The following MMP24 variants were observed in gnomAD, a reference collection of about 807,000 sequenced individuals.
MMP24 encodes matrix metalloproteinase-24.
A neutral mutation model predicts 62.8 loss-of-function variants in MMP24; 25 were observed. The observed-to-expected ratio is 0.40, with a 90% CI of 0.29 to 0.56. The LOEUF is 0.56. Ranked by LOEUF, MMP24 falls within the 20% of genes least tolerant of loss-of-function variation. The pLI is 0.50. For synonymous variants in MMP24, 319 were observed against 350.5 expected (o/e 0.91, Z 1.00); for missense variants, 634 against 853.6 (o/e 0.74, Z 3.21).
chr20:35,264,405 A>C (rs1351003765), intron 5 of MMP24, among the ~76,000 whole-genome samples: 3 of 152,086 alleles, frequency 2.0e-5, no homozygotes, highest in Non-Finnish European at 2.9e-5. Flanking sequence ...AAAAGAAAAA[A>C]CGAGGGCCAG....
At chr20:35,253,503 G>GACTAA (rs942414530) in intron 3 of MMP24, among the ~76,000 whole-genome samples, 1 of 152,066 alleles carries the variant, frequency 6.6e-6, no homozygotes, top group Non-Finnish European at 1.5e-5. Flanking sequence ...ACCCAACTCT[G>GACTAA]AGTAACTTCT....
intron 1 of MMP24, among the ~76,000 whole-genome samples, chr20:35,243,145 C>T (rs1293806333): frequency 6.6e-6 from 1 of 152,118 alleles, no homozygotes; most frequent in Non-Finnish European, 1.5e-5. Context: ...CACCACTGCA[C>T]TCCAGCCTGG....
chr20:35,237,020 A>T (rs899755032), intron 1 of MMP24, among the ~76,000 whole-genome samples: 2 of 149,540 alleles, frequency 1.3e-5, no homozygotes, highest in East Asian at 2.0e-4. Flanking sequence ...TTGGTGGGGG[A>T]GCTGGGAATG....
At chr20:35,260,584 C>A (rs2146226861) in intron 4 of MMP24, among the ~76,000 whole-genome samples, 1 of 152,364 alleles carries the variant, frequency 6.6e-6, no homozygotes, top group East Asian at 1.9e-4. Flanking sequence ...CTGGCTCTAC[C>A]AGTTTGTTTG....
chr20:35,257,850 G>A (rs1046506054), intron 4 of MMP24, among the ~76,000 whole-genome samples: 19 of 152,228 alleles, frequency 1.2e-4, no homozygotes, highest in Non-Finnish European at 2.5e-4. Flanking sequence ...AGCAGGAACT[G>A]TCCAGATGCA....
chr20:35,253,270 CTTTTTTTTT>C (rs34474017), intron 3 of MMP24, among the ~76,000 whole-genome samples: 10 of 79,050 alleles, frequency 1.3e-4, no homozygotes, highest in Middle Eastern at 7.4e-3. Context: ...CAGAACGGGA[CTTTTTTTTT>C]TTTTTTTTTT....
rs2060708622 is a variant in MMP24 at position 35,276,582 on chromosome 20, G to A, written c.*1973G>A. 3.3e-6 allele frequency: 1 copy of A among 303,506 alleles called. No individual in the cohort carries two copies. The allele number at this position is 303,506 out of a possible 1,614,324, so 18.8% of individuals were successfully genotyped here. On this transcript the variant is annotated 3_prime_UTR_variant, in exon 9 of 9. Transcript: ENST00000246186. ...GTGTCTCCTGTATCCACCTCTTCCT[G>A]GCCTCCCTTCCCCCACTTCCTGGTC...
intron 4 of MMP24, among the ~76,000 whole-genome samples, chr20:35,257,427 TGAG>T (rs1256903409): frequency 6.6e-6 from 1 of 152,212 alleles, no homozygotes; most frequent in Admixed American, 6.5e-5. Context: ...AGATAAGATG[TGAG>T]GAGAAGAGAA....
intron 2 of MMP24, among the ~76,000 whole-genome samples, chr20:35,248,246 G>T (rs1431902459): frequency 6.6e-6 from 1 of 151,742 alleles, no homozygotes; most frequent in Non-Finnish European, 1.5e-5. Flanking sequence ...CTGGGTCTCA[G>T]TGTGTTCATT....
intron 8 of MMP24, among the ~76,000 whole-genome samples, chr20:35,273,342 G>A (rs1191508741): frequency 6.6e-6 from 1 of 151,486 alleles, no homozygotes; most frequent in Non-Finnish European, 1.5e-5. Flanking sequence ...GCTGCAGTGA[G>A]TTACAACTGC....
chr20:35,238,037 CAAT>C (rs2060472133), intron 1 of MMP24, among the ~76,000 whole-genome samples: 2 of 152,138 alleles, frequency 1.3e-5, no homozygotes, highest in South Asian at 4.1e-4. Context: ...TACAGTGATA[CAAT>C]AATATCTTAG....
chr20:35,253,626 A>C (rs1335861094), intron 3 of MMP24, among the ~76,000 whole-genome samples: 2 of 152,108 alleles, frequency 1.3e-5, no homozygotes, highest in Non-Finnish European at 2.9e-5. Flanking sequence ...TGTTTTGTGA[A>C]GAACCAATGC....
chr20:35,238,553 TG>T (rs1169638412), intron 1 of MMP24, among the ~76,000 whole-genome samples: 1 of 151,970 alleles, frequency 6.6e-6, no homozygotes, highest in Non-Finnish European at 1.5e-5. Context: ...GAGCACTAGG[TG>T]GGGAAAGATA....
Position 35,274,193 on chromosome 20 carries a change from T to C in MMP24, c.1601-79T>C. On this transcript the variant is annotated intron_variant, in intron 8 of 8. Transcript: ENST00000246186. The surrounding 1 kb of genome is among the most constrained non-coding windows in gnomAD (Gnocchi z 5.1). The stretch of plus-strand genomic sequence containing the variant: ...ACCTTGCCTCCCTTGCCACAGTGCC[T>C]GTGCCCTCCTTTTCACACTGCCCCA... 7.1e-7 allele frequency: 1 copy of C among 1,407,230 alleles called. No homozygotes were observed. The highest frequency in any genetic ancestry group is 9.7e-7 in the Non-Finnish European group (1 of 1,026,922). The allele number at this position is 1,407,230 out of a possible 1,614,324, so 87.2% of individuals were successfully genotyped here.
chr20:35,243,638 A>G (rs2060499665), intron 1 of MMP24, among the ~76,000 whole-genome samples: 2 of 152,160 alleles, frequency 1.3e-5, no homozygotes, highest in Non-Finnish European at 2.9e-5. Flanking sequence ...GAGGAGGAGG[A>G]GGAGACTCTT....
At chr20:35,246,752 G>T in intron 1 of MMP24, 88 bp from the exon 2 acceptor site, 2 of 1,481,658 alleles carry the variant, frequency 1.3e-6, no homozygotes, top group Non-Finnish European at 1.9e-6. Flanking sequence ...GGGGTCAAAT[G>T]ATCCCTCGTG....
At position 35,227,123 on chromosome 20, in the gene MMP24, G is replaced by C. The variant is rs539158920; in HGVS notation, c.246+139G>C. On this transcript the variant is annotated intron_variant, in intron 1 of 8. Coordinates refer to ENST00000246186, the MANE Select transcript of MMP24 (RefSeq NM_006690.4). ...GGCGCGCCGGGGGTCCGCGCCTTGGGTCCGGGCTGGCGCGGCCCAGGGCGG... is the reference window on the plus strand; with the variant it reads ...GGCGCGCCGGGGGTCCGCGCCTTGGCTCCGGGCTGGCGCGGCCCAGGGCGG... The C allele has an allele frequency of 1.1e-3, 785 of 719,348 alleles. 6 individuals carry two copies. In the African/African-American group the frequency reaches 0.011, roughly 10 times the overall value. The allele number at this position is 719,348 out of a possible 1,614,324, so 44.6% of individuals were successfully genotyped here. A position where few individuals can be genotyped will look rare whatever the true frequency, so the allele number is the denominator to read the frequency against.
At position 35,271,840 on chromosome 20, in the gene MMP24, G is replaced by GT. The variant is rs1568622830; in HGVS notation, c.1600+6dup. ...CCTTCATCAGCAAGGAAGGATGTAC[G>GT]TAAGGGCCGGGCCAGGGTGGGCATG... is the stretch of plus-strand genomic sequence containing the variant. On this transcript the variant is annotated splice_donor_region_variant and intron_variant, in intron 8 of 8. Transcript: ENST00000246186. The surrounding 1 kb of genome is among the most constrained non-coding windows in gnomAD (Gnocchi z 4.0). 1.2e-6 allele frequency: 2 copies of GT among 1,606,326 alleles called. No homozygotes were observed. Among genetic ancestry groups the GT allele is most frequent in the South Asian group, 1.1e-5 (1 of 90,326 alleles).
chr20:35,251,940 A>G lies in MMP24; in HGVS notation c.431A>G (p.His144Arg). 6.2e-7 allele frequency: 1 copy of G among 1,613,824 alleles called. No individual in the cohort carries two copies. The highest frequency in any genetic ancestry group is 8.5e-7 in the Non-Finnish European group (1 of 1,179,878). Residue 144 changes from histidine to arginine, a missense_variant, in exon 3 of 9, where the codon CAC becomes CGC. Around this residue, in one of 3 missense-constraint regions of MMP24, gnomAD observed 212 missense variants for 259.6 expected, o/e 0.82. Coordinates refer to ENST00000246186, the MANE Select transcript of MMP24 (RefSeq NM_006690.4). The stretch of plus-strand genomic sequence containing the variant: ...AAACCCCGATGTGGTGTCCCTGATC[A>G]CCCCCACTTAAGCCGTAGGCGGAGA... ...MKKPRCGVPDHPHLSRRRRNK... is the reference protein window; with the variant it reads ...MKKPRCGVPDRPHLSRRRRNK...
Sources: allele counts gnomAD v4.1 joint callset (sites outside exome capture counted in the v4.1 genomes callset), GRCh38; gene constraint gnomAD v4.1.1; regional missense constraint gnomAD v4.1.1; non-coding constraint Gnocchi (gnomAD v3.1); transcripts MANE v1.5; gene names NCBI Gene and HGNC (gene_info 2026-07-23, HGNC 2026-07-21).